The following RNF145 variants were observed in gnomAD, a reference collection of about 807,000 sequenced individuals.
The protein encoded by RNF145 is ring finger protein 145.
Under a neutral mutation model 57.3 loss-of-function variants are expected in RNF145, and 12 were observed. The ratio of observed to expected loss-of-function variants is 0.21; its 90% CI spans 0.13 to 0.34. The LOEUF (loss-of-function observed/expected upper bound fraction) is 0.34, where lower values mean the gene tolerates loss of function less well. RNF145 is among the 10% of genes least tolerant of loss of function. The pLI is 1.00. For missense variants in RNF145, 429 were observed against 799.0 expected (o/e 0.54, Z 5.58); for synonymous variants, 262 against 288.3 (o/e 0.91, Z 0.92).
chr5:159,204,334 C>T (rs112064923), intron 1 of RNF145, among the ~76,000 whole-genome samples: 12 of 151,822 alleles, frequency 7.9e-5, no homozygotes, highest in African/African-American at 2.9e-4. Flanking sequence ...ACATGGAAGA[C>T]GCCAGGCATT....
At chr5:159,182,072 G>A in intron 3 of RNF145, 21 bp from the exon 4 acceptor site, 1 of 1,393,856 alleles carries the variant, frequency 7.2e-7, no homozygotes, top group East Asian at 2.3e-5. Flanking sequence ...AAATTGATTA[G>A]AATGTATATA....
At chr5:159,178,087 T>G (rs932298058) in intron 4 of RNF145, among the ~76,000 whole-genome samples, 8 of 152,030 alleles carry the variant, frequency 5.3e-5, no homozygotes, top group African/African-American at 1.7e-4. Flanking sequence ...CAAACCATTT[T>G]TTTTCTTAAT....
intron 8 of RNF145, among the ~76,000 whole-genome samples, chr5:159,164,657 A>G (rs1454632132): frequency 6.6e-6 from 1 of 152,230 alleles, no homozygotes; most frequent in African/African-American, 2.4e-5. Context: ...AAATAAGGGA[A>G]AATTACATTG....
At chr5:159,188,111 A>T (rs146489176) in intron 3 of RNF145, among the ~76,000 whole-genome samples, 27 of 152,202 alleles carry the variant, frequency 1.8e-4, no homozygotes, top group Non-Finnish European at 4.0e-4. Flanking sequence ...GGCCAGGCAC[A>T]GTGGCTCATG....
chr5:159,185,372 T>A (rs1261424538), intron 3 of RNF145, among the ~76,000 whole-genome samples: 1 of 152,080 alleles, frequency 6.6e-6, no homozygotes. Context: ...GGGCATCCCA[T>A]CCCAAACTGT....
At position 159,174,176 on chromosome 5, in the gene RNF145, A is replaced by T. The variant is rs760441552; in HGVS notation, c.622-18T>A. The T allele has an allele frequency of 1.1e-4, 177 of 1,567,934 alleles. No individual in the cohort carries two copies. Among genetic ancestry groups the T allele is most frequent in the Non-Finnish European group, 1.5e-4 (173 of 1,156,612 alleles). Reference sequence around the variant, plus strand: ...TCCACTACCTAAATAAAAACGTAAGATAGGAAAACTTCTTGCATCACCATC... The same window carrying T: ...TCCACTACCTAAATAAAAACGTAAGTTAGGAAAACTTCTTGCATCACCATC... On this transcript the variant is annotated intron_variant, in intron 5 of 10. Transcript: ENST00000424310.
chr5:159,203,622 T>G lies in RNF145; in HGVS notation c.-5A>C, dbSNP rs770788206. 78 of 1,392,934 alleles carry G rather than the reference T, an allele frequency of 5.6e-5. No individual in the cohort carries two copies. Among genetic ancestry groups the G allele is most frequent in the South Asian group, 2.8e-4 (22 of 77,272 alleles). The allele number at this position is 1,392,934 out of a possible 1,614,324, so 86.3% of individuals were successfully genotyped here. On this transcript the variant is annotated 5_prime_UTR_variant, in exon 2 of 11. Coordinates refer to ENST00000424310, the MANE Select transcript of RNF145 (RefSeq NM_001199383.2). Reference sequence around the variant, plus strand: ...CAGTTTCTCCTTTGCAGCCATGTTGTTTTTTTTTTTCTTTTTTTTTTTCTT... The same window carrying G: ...CAGTTTCTCCTTTGCAGCCATGTTGGTTTTTTTTTTCTTTTTTTTTTTCTT...
In RNF145 at chr5:159,174,045, G is replaced by A; in HGVS notation, c.735C>T (p.Ser245=). The change falls in exon 6 of 11, where the codon TCC becomes TCT. Residue 245 remains serine, a synonymous_variant. Coordinates refer to ENST00000424310, the MANE Select transcript of RNF145 (RefSeq NM_001199383.2). ...WLVLFALQIY[S]YFSTRDQPAS... ...CAGGCTGATCTCGAGTACTGAAATA[G>A]GAGTAAATCTGAAGAGCAAATAAGA... The A allele has an allele frequency of 1.2e-6, 2 of 1,613,598 alleles. No homozygotes were observed. The highest frequency in any genetic ancestry group is 1.7e-6 in the Non-Finnish European group (2 of 1,179,690).
Position 159,209,513 on chromosome 5 carries a change from A to T in RNF145, c.-322T>A, listed in dbSNP as rs1287871176. On this transcript the variant is annotated 5_prime_UTR_variant, in exon 1 of 11. It removes an upstream start codon present in the reference 5' UTR. Coordinates refer to ENST00000424310, the MANE Select transcript of RNF145 (RefSeq NM_001199383.2). Reference sequence around the variant, plus strand: ...GCAGCCGGCGCCGGCGTCGGCGGCCATGGCCTCCTGCGTTTGCTCCTCCCG... The same window carrying T: ...GCAGCCGGCGCCGGCGTCGGCGGCCTTGGCCTCCTGCGTTTGCTCCTCCCG... The T allele has an allele frequency of 3.4e-5, 3 of 88,798 alleles. No homozygotes were observed. Among genetic ancestry groups the T allele is most frequent in the Non-Finnish European group, 3.9e-5 (3 of 76,338 alleles). 5.5% of individuals were successfully genotyped at this position (88,798 alleles called of 1,614,324 possible). A position where few individuals can be genotyped will look rare whatever the true frequency, so the allele number is the denominator to read the frequency against.
intron 2 of RNF145, among the ~76,000 whole-genome samples, chr5:159,201,294 C>T (rs549000781): frequency 2.5e-4 from 38 of 152,210 alleles, no homozygotes; most frequent in Non-Finnish European, 4.4e-4. Context: ...CAGCATACAC[C>T]GACGGACCAC....
At position 159,209,511 on chromosome 5, in the gene RNF145, C is replaced by CGGCGGCGGCGGCGGT; in HGVS notation, c.-321_-320insACCGCCGCCGCCGCC. ...TAGCAGCCGGCGCCGGCGTCGGCGGCCATGGCCTCCTGCGTTTGCTCCTCC... is the reference window on the plus strand; with the variant it reads ...TAGCAGCCGGCGCCGGCGTCGGCGGCGGCGGCGGCGGCGGTCATGGCCTCCTGCGTTTGCTCCTCC... On this transcript the variant is annotated 5_prime_UTR_variant, in exon 1 of 11. Coordinates refer to ENST00000424310, the MANE Select transcript of RNF145 (RefSeq NM_001199383.2). 1 of 981,526 alleles carries CGGCGGCGGCGGCGGT rather than the reference C, an allele frequency of 1.0e-6. No homozygotes were observed. The highest frequency in any genetic ancestry group is 1.2e-6 in the Non-Finnish European group (1 of 827,096). 60.8% of individuals were successfully genotyped at this position (981,526 alleles called of 1,614,324 possible).
intron 8 of RNF145, among the ~76,000 whole-genome samples, chr5:159,165,465 G>A (rs1584664524): frequency 9.2e-5 from 1 of 10,854 alleles, no homozygotes; most frequent in African/African-American, 2.9e-3. Context: ...GGCGGATCAC[G>A]AGGTCAGGAG....
In RNF145 at chr5:159,163,060, G is replaced by A. The variant is rs1246639416; in HGVS notation, c.1141C>T (p.Arg381Cys). Residue 381 changes from arginine (R) to cysteine (C), a missense_variant, in exon 9 of 11, where the codon CGT becomes TGT. By Grantham distance (180) the Arg-to-Cys change is radical. Around this residue, in one of 4 missense-constraint regions of RNF145, gnomAD observed 216 missense variants for 457.6 expected, o/e 0.47. Transcript: ENST00000424310. ...SRDKSLWKHF[R>C]AVSLCLFLLV... ...AAAAATAAACAAAGGCTTACAGCAC[G>A]GAAGTGTTTCCACAAGCTCCTGGAG... The A allele has an allele frequency of 6.3e-7, 1 of 1,599,286 alleles. No homozygotes were observed. The highest frequency in any genetic ancestry group is 1.4e-5 in the African/African-American group (1 of 73,680).
chr5:159,166,079 T>G (rs1392461285), intron 8 of RNF145, among the ~76,000 whole-genome samples: 1 of 152,206 alleles, frequency 6.6e-6, no homozygotes, highest in Non-Finnish European at 1.5e-5. Context: ...ACTTCCCCCA[T>G]CATAGGTATT....
intron 5 of RNF145, among the ~76,000 whole-genome samples, chr5:159,176,145 G>A (rs987756750): frequency 2.6e-5 from 4 of 152,010 alleles, no homozygotes; most frequent in African/African-American, 4.8e-5. Context: ...GCACACAAAG[G>A]GAAGAAACTA....
At chr5:159,198,505 T>C (rs906354343) in intron 2 of RNF145, among the ~76,000 whole-genome samples, 2 of 152,096 alleles carry the variant, frequency 1.3e-5, no homozygotes, top group Admixed American at 1.3e-4. Flanking sequence ...CATATTTAAA[T>C]AGGTCTTAGT....
chr5:159,197,540 T>G (rs964275949), intron 2 of RNF145, among the ~76,000 whole-genome samples: 3 of 152,220 alleles, frequency 2.0e-5, no homozygotes, highest in Non-Finnish European at 4.4e-5. Flanking sequence ...AAAATATTTG[T>G]GTAAGAAAAC....
In RNF145 at chr5:159,158,919, G is replaced by A; in HGVS notation, c.1743C>T (p.Ser581=). 2 of 1,613,890 alleles carry A rather than the reference G, an allele frequency of 1.2e-6. No individual in the cohort carries two copies. Among genetic ancestry groups the A allele is most frequent in the Non-Finnish European group, 1.7e-6 (2 of 1,179,854 alleles). The change falls in exon 11 of 11, where the codon TCC becomes TCT. Residue 581 remains serine (S), a synonymous_variant. Coordinates refer to ENST00000424310, the MANE Select transcript of RNF145 (RefSeq NM_001199383.2). ...CPLCHCHLKN[S]SQLPGLGTEP... is the part of the protein sequence containing the mutation. ...CAGTTCCTAATCCTGGAAGCTGGGA[G>A]GAGTTTTTCAGATGGCAGTGGCACA...
chr5:159,206,131 C>T (rs962679136), intron 1 of RNF145, among the ~76,000 whole-genome samples: 1 of 152,218 alleles, frequency 6.6e-6, no homozygotes, highest in Admixed American at 6.5e-5. Context: ...AGAGAAAATA[C>T]CGGGTCCCGA....
Sources: allele counts gnomAD v4.1 joint callset (sites outside exome capture counted in the v4.1 genomes callset), GRCh38; gene constraint gnomAD v4.1.1; regional missense constraint gnomAD v4.1.1; transcripts MANE v1.5; gene names NCBI Gene and HGNC (gene_info 2026-07-23, HGNC 2026-07-21).